The following HECW1 variants were observed in gnomAD, a reference collection of about 807,000 sequenced individuals.
The protein encoded by HECW1 is E3 ubiquitin-protein ligase HECW1.
HECW1 carries 61 observed loss-of-function variants against 182.3 expected under a neutral mutation model. The ratio of observed to expected loss-of-function variants is 0.33; its 90% confidence interval spans 0.27 to 0.41. The LOEUF is 0.41. Among genes scored for constraint, HECW1 ranks in the 10% least tolerant of loss-of-function variants. The probability of loss-of-function intolerance (pLI) is 1.00; values close to 1 mark genes in which losing one functional copy is unlikely to be tolerated. For missense variants in HECW1, 1,739 were observed against 2,108.9 expected, an observed-to-expected ratio of 0.82 and a Z score of 3.44; for synonymous variants, 859 against 832.6, an observed-to-expected ratio of 1.03 and a Z score of -0.55.
rs1490403840 is a variant in HECW1 at position 43,360,987 on chromosome 7, C to T, written c.555+7C>T. On this transcript the variant is annotated splice_region_variant and intron_variant, in intron 6 of 29. Coordinates refer to ENST00000395891, the MANE Select transcript of HECW1 (RefSeq NM_015052.5). ...CAAAAACTCGGCAGCTCCTGTAAGT[C>T]TCATTTCTCCGTCTTTGGTTAGACC... 4 of 1,598,678 alleles carry T rather than the reference C, an allele frequency of 2.5e-6. No individual in the cohort carries two copies. The South Asian group carries it at 4.5e-5, about 18-fold the overall frequency.
chr7:43,323,607 AAAAC>A (rs1216589738), intron 5 of HECW1, among the ~76,000 whole-genome samples: 1 of 152,224 alleles, frequency 6.6e-6, no homozygotes, highest in Non-Finnish European at 1.5e-5. Flanking sequence ...CCTGTCTCAT[AAAAC>A]AAACACAACA....
At chr7:43,206,085 A>G (rs986523006) in intron 2 of HECW1, among the ~76,000 whole-genome samples, 2 of 152,086 alleles carry the variant, frequency 1.3e-5, no homozygotes, top group South Asian at 2.1e-4. Context: ...TCCTCTTTAC[A>G]TTGGACTAGG....
At chr7:43,425,251 G>T (rs1230816407) in intron 8 of HECW1, among the ~76,000 whole-genome samples, 2 of 146,360 alleles carry the variant, frequency 1.4e-5, no homozygotes, top group Non-Finnish European at 3.1e-5. Flanking sequence ...ACACACACGT[G>T]TACATATATG....
intron 12 of HECW1, 100 bp from the exon 13 acceptor site, chr7:43,456,197 T>C: frequency 8.1e-7 from 1 of 1,228,372 alleles, no homozygotes. Context: ...CATGAACCAA[T>C]GGTGAGTTCT....
chr7:43,401,567 G>GTTTTTTTTT (rs10574466), intron 7 of HECW1, among the ~76,000 whole-genome samples: 4 of 123,182 alleles, frequency 3.2e-5, no homozygotes, highest in Admixed American at 8.5e-5. Context: ...ATTTAAAAAG[G>GTTTTTTTTT]TTTTTTTTTT....
At chr7:43,135,910 C>T (rs1225986411) in intron 2 of HECW1, among the ~76,000 whole-genome samples, 3 of 151,142 alleles carry the variant, frequency 2.0e-5, no homozygotes, top group African/African-American at 7.3e-5. Context: ...TCATTTCTCA[C>T]CTGATTTCAC....
At chr7:43,325,857 G>T (rs993988490) in intron 5 of HECW1, among the ~76,000 whole-genome samples, 1 of 152,030 alleles carries the variant, frequency 6.6e-6, no homozygotes, top group Non-Finnish European at 1.5e-5. Flanking sequence ...TGCACGCTGT[G>T]GTCTCATCAT....
intron 2 of HECW1, among the ~76,000 whole-genome samples, chr7:43,166,982 G>A (rs771406281): frequency 1.3e-5 from 2 of 152,226 alleles, no homozygotes; most frequent in Non-Finnish European, 2.9e-5. Flanking sequence ...ACTGAATGAC[G>A]CAAGGCAGGC....
intron 13 of HECW1, among the ~76,000 whole-genome samples, chr7:43,462,466 G>A (rs2077619672): frequency 6.6e-6 from 1 of 151,656 alleles, no homozygotes; most frequent in Non-Finnish European, 1.5e-5. Flanking sequence ...AGGATCACCT[G>A]GGAACTCATC....
At chr7:43,176,447 C>A (rs572409560) in intron 2 of HECW1, among the ~76,000 whole-genome samples, 3 of 152,210 alleles carry the variant, frequency 2.0e-5, no homozygotes, top group African/African-American at 4.8e-5. Flanking sequence ...GAAAAAAATT[C>A]TTTATTTGAA....
At chr7:43,375,270 G>GAGCCAAGATCTCACCATTGCAC (rs2074279588) in intron 6 of HECW1, among the ~76,000 whole-genome samples, 1 of 151,780 alleles carries the variant, frequency 6.6e-6, no homozygotes, top group Non-Finnish European at 1.5e-5. Context: ...ACAAAGATGT[G>GAGCCAAGATCTCACCATTGCAC]CTTGGTAAGA....
chr7:43,150,603 T>C (rs1398787386), intron 2 of HECW1, among the ~76,000 whole-genome samples: 1 of 152,212 alleles, frequency 6.6e-6, no homozygotes, highest in Non-Finnish European at 1.5e-5. Flanking sequence ...TGTTTTGAAC[T>C]CCTGACCTCA....
intron 2 of HECW1, among the ~76,000 whole-genome samples, chr7:43,140,239 TA>T: frequency 6.6e-6 from 1 of 152,222 alleles, no homozygotes; most frequent in East Asian, 1.9e-4. Context: ...TGAATTTGAT[TA>T]TTTTTATGCT....
At chr7:43,265,747 C>A (rs181802872) in intron 3 of HECW1, among the ~76,000 whole-genome samples, 4 of 152,190 alleles carry the variant, frequency 2.6e-5, no homozygotes, top group African/African-American at 9.6e-5. Flanking sequence ...AGGCTGCTCC[C>A]ACTTCAGGCA....
At chr7:43,160,777 T>C (rs1790444135) in intron 2 of HECW1, among the ~76,000 whole-genome samples, 1 of 152,192 alleles carries the variant, frequency 6.6e-6, no homozygotes, top group Non-Finnish European at 1.5e-5. Context: ...CTCCTATTTC[T>C]TTCACAAAGG....
At chr7:43,520,594 C>T (rs749857862) in intron 24 of HECW1, among the ~76,000 whole-genome samples, 2 of 151,566 alleles carry the variant, frequency 1.3e-5, no homozygotes, top group Non-Finnish European at 2.9e-5. Flanking sequence ...CTTCTCAAGA[C>T]AAATATGTTC....
chr7:43,336,174 C>T (rs898906460), intron 5 of HECW1, among the ~76,000 whole-genome samples: 29 of 130,362 alleles, frequency 2.2e-4, no homozygotes, highest in South Asian at 8.1e-4. Context: ...CTCTCTCTCT[C>T]TCTCTCTCTC....
At chr7:43,152,633 C>T (rs1789460268) in intron 2 of HECW1, among the ~76,000 whole-genome samples, 1 of 151,914 alleles carries the variant, frequency 6.6e-6, no homozygotes. Context: ...CTTTCAAGTT[C>T]TTTTTACCTG....
At chr7:43,459,677 A>G (rs951120755) in intron 13 of HECW1, among the ~76,000 whole-genome samples, 19 of 152,044 alleles carry the variant, frequency 1.2e-4, no homozygotes, top group African/African-American at 4.6e-4. Context: ...AGCTGGGACT[A>G]CAGGCATGCA....
Sources: allele counts gnomAD v4.1 joint callset (sites outside exome capture counted in the v4.1 genomes callset), GRCh38; gene constraint gnomAD v4.1.1; transcripts MANE v1.5; gene names NCBI Gene and HGNC (gene_info 2026-07-23, HGNC 2026-07-21).